SPAG16: variants seen among roughly 807,000 people sequenced by gnomAD.
SPAG16 encodes sperm-associated antigen 16 protein.
A neutral mutation model predicts 80.4 loss-of-function variants in SPAG16; 86 were observed. The observed-to-expected ratio is 1.07, with a 90% confidence interval of 0.90 to 1.28. The LOEUF is 1.28. SPAG16 is among the 50% of genes most tolerant of loss of function. The probability of loss-of-function intolerance (pLI) is 0.00; values close to 1 mark genes in which losing one functional copy is unlikely to be tolerated. For synonymous variants in SPAG16, 294 were observed against 265.9 expected (o/e 1.11, Z -1.03); for missense variants, 870 against 765.3 (o/e 1.14, Z -1.61).
chr2:213,745,854 C>G (rs1366152479), intron 10 of SPAG16, among the ~76,000 whole-genome samples: 1 of 152,166 alleles, frequency 6.6e-6, no homozygotes, highest in East Asian at 1.9e-4. Context: ...AAATGGTGAA[C>G]TGAGTACATA....
intron 15 of SPAG16, among the ~76,000 whole-genome samples, chr2:214,210,681 A>G (rs986015959): frequency 2.6e-5 from 4 of 152,148 alleles, no homozygotes; most frequent in Non-Finnish European, 5.9e-5. Context: ...TTAATAAATA[A>G]TCTTTCTTTG....
chr2:214,205,071 A>C (rs1303934980), intron 15 of SPAG16, among the ~76,000 whole-genome samples: 1 of 152,162 alleles, frequency 6.6e-6, no homozygotes, highest in Admixed American at 6.5e-5. Flanking sequence ...TCTACTAAAA[A>C]TACAAAAATT....
At chr2:214,029,468 C>T (rs76626030) in intron 13 of SPAG16, among the ~76,000 whole-genome samples, 147 of 152,092 alleles carry the variant, frequency 9.7e-4, no homozygotes, top group African/African-American at 3.5e-3. Flanking sequence ...CCTTTTATCA[C>T]ACTAGTGGGC....
At chr2:214,222,267 C>T (rs1050625511) in intron 15 of SPAG16, among the ~76,000 whole-genome samples, 3 of 151,990 alleles carry the variant, frequency 2.0e-5, no homozygotes, top group Non-Finnish European at 4.4e-5. Context: ...CAGGCACCCA[C>T]CACTATGCCT....
intron 7 of SPAG16, among the ~76,000 whole-genome samples, chr2:213,361,303 G>A (rs1282778084): frequency 6.6e-6 from 1 of 151,382 alleles, no homozygotes; most frequent in Non-Finnish European, 1.5e-5. Flanking sequence ...AGGTATCTAT[G>A]TATACTAAAT....
At chr2:213,291,643 G>A (rs1171395459) in intron 1 of SPAG16, among the ~76,000 whole-genome samples, 1 of 152,076 alleles carries the variant, frequency 6.6e-6, no homozygotes. Flanking sequence ...ACACTTGAAA[G>A]TTTTTGGAAA....
chr2:213,610,525 G>T (rs1172724040), intron 10 of SPAG16, among the ~76,000 whole-genome samples: 1 of 151,994 alleles, frequency 6.6e-6, no homozygotes, highest in Non-Finnish European at 1.5e-5. Context: ...AACCTGTTTT[G>T]CCATGGTCCA....
intron 15 of SPAG16, among the ~76,000 whole-genome samples, chr2:214,291,793 C>G (rs1481886980): frequency 6.6e-6 from 1 of 151,990 alleles, no homozygotes; most frequent in Non-Finnish European, 1.5e-5. Flanking sequence ...AGGTAGTTTT[C>G]TGTAGTGGTA....
chr2:213,453,582 G>T (rs1201701173), intron 9 of SPAG16, among the ~76,000 whole-genome samples: 1 of 152,162 alleles, frequency 6.6e-6, no homozygotes, highest in Non-Finnish European at 1.5e-5. Context: ...AAAAATGTTT[G>T]CAGGATGAAC....
At chr2:214,028,407 G>A (rs1300144789) in intron 13 of SPAG16, among the ~76,000 whole-genome samples, 1 of 152,018 alleles carries the variant, frequency 6.6e-6, no homozygotes, top group Non-Finnish European at 1.5e-5. Flanking sequence ...ATGAAGCAAA[G>A]CTATGGCTTG....
At chr2:213,577,740 A>C (rs2060176290) in intron 10 of SPAG16, among the ~76,000 whole-genome samples, 1 of 152,126 alleles carries the variant, frequency 6.6e-6, no homozygotes. Context: ...AACTCATTCA[A>C]AGTTGCTCGG....
At chr2:213,850,794 A>G (rs1289480735) in intron 10 of SPAG16, among the ~76,000 whole-genome samples, 2 of 152,158 alleles carry the variant, frequency 1.3e-5, no homozygotes, top group African/African-American at 4.8e-5. Flanking sequence ...AGGAAACATT[A>G]TTAGGCTGCT....
intron 14 of SPAG16, among the ~76,000 whole-genome samples, chr2:214,140,510 T>A (rs1445223750): frequency 6.6e-6 from 1 of 152,108 alleles, no homozygotes; most frequent in African/African-American, 2.4e-5. Flanking sequence ...CTTTCCTTTT[T>A]TGCATTATCT....
In SPAG16 at chr2:213,852,196, A is replaced by G. The variant is rs74420064; in HGVS notation, c.1071-10289A>G. Among the ~76,000 whole-genome samples the G allele has an allele frequency of 9.0e-3, 1,376 of 152,324 alleles. 9 individuals carry two copies. The highest frequency in any genetic ancestry group is 0.014 in the Non-Finnish European group (978 of 68,036). Reference sequence around the variant, plus strand: ...CCTGAAGGTAGTGGTGAAAATACCAATATACAAAAGCGGCATCTGCCATGA... The same window carrying G: ...CCTGAAGGTAGTGGTGAAAATACCAGTATACAAAAGCGGCATCTGCCATGA... On this transcript the variant is annotated intron_variant, in intron 10 of 15. Transcript: ENST00000331683.
At chr2:213,355,028 A>G (rs1236734227) in intron 7 of SPAG16, among the ~76,000 whole-genome samples, 1 of 152,144 alleles carries the variant, frequency 6.6e-6, no homozygotes, top group Non-Finnish European at 1.5e-5. Context: ...TCCATCGTGA[A>G]TTAATTTTTG....
intron 9 of SPAG16, among the ~76,000 whole-genome samples, chr2:213,475,150 T>C (rs951958750): frequency 1.3e-5 from 2 of 152,170 alleles, no homozygotes; most frequent in East Asian, 3.8e-4. Flanking sequence ...TAACATTACA[T>C]CCTTCCAGGA....
chr2:213,496,522 C>T lies in SPAG16; in HGVS notation c.1070+6432C>T, dbSNP rs1009349064. Among the ~76,000 whole-genome samples the T allele has an allele frequency of 3.9e-5, 6 of 152,120 alleles. No individual in the cohort carries two copies. The East Asian group carries it at 1.2e-3, about 29-fold the overall frequency. ...CCTAGCGAACAGGTTCATGTCAGTA[C>T]TATTCCTTGTATTTTAATTGAAACA... On this transcript the variant is annotated intron_variant, in intron 10 of 15. Transcript: ENST00000331683.
intron 10 of SPAG16, among the ~76,000 whole-genome samples, chr2:213,772,408 AT>A (rs2069306167): frequency 6.6e-6 from 1 of 152,090 alleles, no homozygotes; most frequent in Non-Finnish European, 1.5e-5. Flanking sequence ...TTCTTCAGTG[AT>A]TTGAACATTT....
At chr2:214,383,517 G>A (rs1259927724) in intron 15 of SPAG16, among the ~76,000 whole-genome samples, 1 of 149,590 alleles carries the variant, frequency 6.7e-6, no homozygotes, top group African/African-American at 2.5e-5. Context: ...GTTGCGGTGA[G>A]CCAAGATCGC....
Sources: allele counts gnomAD v4.1 joint callset (sites outside exome capture counted in the v4.1 genomes callset), GRCh38; gene constraint gnomAD v4.1.1; transcripts MANE v1.5; gene names NCBI Gene and HGNC (gene_info 2026-07-23, HGNC 2026-07-21).